The following STK11IP variants were observed in gnomAD, a reference collection of about 807,000 sequenced individuals.
STK11IP encodes the protein serine/threonine kinase 11 interacting protein, also known as serine/threonine-protein kinase 11-interacting protein.
In STK11IP, 103 loss-of-function variants were observed where a neutral mutation model predicts 131.7. The ratio of observed to expected loss-of-function variants is 0.78; its 90% confidence interval spans 0.67 to 0.92. STK11IP has a LOEUF of 0.92. Ranked by LOEUF, STK11IP falls within the 40% of genes least tolerant of loss-of-function variation. The probability of loss-of-function intolerance (pLI) is 0.00; values close to 1 mark genes in which losing one functional copy is unlikely to be tolerated. For missense variants in STK11IP, 1,315 were observed against 1,385.7 expected (o/e 0.95, Z 0.81); for synonymous variants, 557 against 575.6 (o/e 0.97, Z 0.46).
chr2:219,614,553 C>A lies in STK11IP; in HGVS notation c.2869+7C>A. ...CGGGCGTTCCTGGTTGAAGGTGAAGCCTCTGTGCAGCTGATGCTTCCCTGG... is the reference window on the plus strand; with the variant it reads ...CGGGCGTTCCTGGTTGAAGGTGAAGACTCTGTGCAGCTGATGCTTCCCTGG... On this transcript the variant is annotated splice_region_variant and intron_variant, in intron 23 of 24. Transcript: ENST00000456909. 2 of 1,613,716 alleles carry A rather than the reference C, an allele frequency of 1.2e-6. No individual in the cohort carries two copies. The highest frequency in any genetic ancestry group is 1.7e-6 in the Non-Finnish European group (2 of 1,179,806).
Position 219,611,690 on chromosome 2 carries a change from CAG to C in STK11IP, c.2192_2193del (p.Gln731ArgfsTer22), listed in dbSNP as rs758825073. The C allele has an allele frequency of 7.4e-6, 12 of 1,613,092 alleles. No homozygotes were observed. In the East Asian group the frequency reaches 2.5e-4, roughly 33 times the overall value. Reference protein sequence around the residue: ...SRGTPNRERKQGEQSLAPSPS... With the variant: ...SRGTPNRERKXGEQSLAPSPS... ...GGGAACCCCCAACAGGGAGCGGAAA[CAG>C]GGAGAGCAGTCTCTGGCTCCTTCTC... On this transcript the variant is annotated frameshift_variant, in exon 18 of 25. Coordinates refer to ENST00000456909, the MANE Select transcript of STK11IP (RefSeq NM_052902.4). LOFTEE classifies it high-confidence loss of function.
In STK11IP at chr2:219,608,326, A is replaced by AGAAGGAGGG. The variant is rs772569417; in HGVS notation, c.1508_1516dup (p.Gly503_Glu505dup). Reference sequence around the variant, plus strand: ...GCGGAGCCACAGGAGGAGGAAGAGGAGAAGGAGGGGAAGGAGGAGAAGGAG... The same window carrying AGAAGGAGGG: ...GCGGAGCCACAGGAGGAGGAAGAGGAGAAGGAGGGGAAGGAGGGGAAGGAGGAGAAGGAG... On this transcript the variant is annotated inframe_insertion, in exon 14 of 25. Coordinates refer to ENST00000456909, the MANE Select transcript of STK11IP (RefSeq NM_052902.4). The AGAAGGAGGG allele has an allele frequency of 7.5e-6, 12 of 1,601,674 alleles. No individual in the cohort carries two copies. The highest frequency in any genetic ancestry group is 1.7e-5 in the Admixed American group (1 of 57,454).
At chr2:219,614,354 TGCCCCTTATGG>T (rs1698504743) in intron 22 of STK11IP, 111 bp from the exon 23 acceptor site, 1 of 1,512,598 alleles carries the variant, frequency 6.6e-7, no homozygotes, top group Admixed American at 1.7e-5. Context: ...CCTCATGCCA[TGCCCCTTATGG>T]GCCCCTAGTG....
intron 19 of STK11IP, 31 bp downstream of exon 19, chr2:219,612,089 C>T: frequency 1.3e-6 from 2 of 1,563,604 alleles, no homozygotes; most frequent in Non-Finnish European, 8.7e-7. Flanking sequence ...CCCATGCCCC[C>T]AGCTGTCCAG....
At position 219,606,303 on chromosome 2, in the gene STK11IP, C is replaced by T; in HGVS notation, c.945+13C>T. 6.4e-7 allele frequency: 1 copy of T among 1,558,098 alleles called. No individual in the cohort carries two copies. Among genetic ancestry groups the T allele is most frequent in the East Asian group, 2.4e-5 (1 of 41,400 alleles). ...TGCTGCTACTGGCGTGAGTGATCGT[C>T]CTGTGTCCACTCTTCTTCCCCTTTC... is the stretch of plus-strand genomic sequence containing the variant. On this transcript the variant is annotated intron_variant, in intron 10 of 24. Coordinates refer to ENST00000456909, the MANE Select transcript of STK11IP (RefSeq NM_052902.4).
At chr2:219,614,383 C>T (rs1698505666) in intron 22 of STK11IP, 93 bp from the exon 23 acceptor site, 9 of 1,532,826 alleles carry the variant, frequency 5.9e-6, no homozygotes, top group Non-Finnish European at 8.1e-6. Flanking sequence ...GTGTCTCCTC[C>T]CAACCCCCTG....
chr2:219,607,659 TA>T (rs975388662), intron 13 of STK11IP, among the ~76,000 whole-genome samples: 19 of 146,780 alleles, frequency 1.3e-4, no homozygotes, highest in Middle Eastern at 3.4e-3. Context: ...CCTTATCTCT[TA>T]AAAAAAAAAG....
rs759730728 is a variant in STK11IP at position 219,615,322 on chromosome 2, G to A, written c.3098G>A (p.Arg1033Gln). The change falls in exon 24 of 25, where the codon CGG (arginine) becomes CAG (glutamine). Residue 1033 changes from arginine (R) to glutamine (Q), a missense_variant. By Grantham distance (43) the Arg-to-Gln change is conservative. Coordinates refer to ENST00000456909, the MANE Select transcript of STK11IP (RefSeq NM_052902.4). ...TACCGCTCAGCCCCTGAGGACTTGC[G>A]GCTGCTCTTCTACGATGAGGTGTGT... ...LLYRSAPEDL[R>Q]LLFYDEVSRL... The A allele has an allele frequency of 1.1e-5, 17 of 1,601,670 alleles. No homozygotes were observed. The highest frequency in any genetic ancestry group is 4.5e-5 in the East Asian group (2 of 44,856).
At chr2:219,598,299 G>C (rs1288582203) in intron 2 of STK11IP, 119 bp downstream of exon 2, 1 of 714,012 alleles carries the variant, frequency 1.4e-6, no homozygotes, top group Non-Finnish European at 2.2e-6. Context: ...AGGTGTCAGA[G>C]TTCAATTTCT....
In STK11IP at chr2:219,598,613, T is replaced by C. The variant is rs79864373; in HGVS notation, c.61+433T>C. Reference sequence around the variant, plus strand: ...TGCCATACTGTTTCCTGAGGCTCAGTTTTCCTCACAGATTGGCATAGTGAT... The same window carrying C: ...TGCCATACTGTTTCCTGAGGCTCAGCTTTCCTCACAGATTGGCATAGTGAT... On this transcript the variant is annotated intron_variant, in intron 2 of 24. Transcript: ENST00000456909. 2.6e-3 allele frequency: 416 copies of C among 159,824 alleles called. 9 individuals carry two copies. The East Asian group carries it at 0.065, about 25-fold the overall frequency. 9.9% of individuals were successfully genotyped at this position (159,824 alleles called of 1,614,324 possible). A position where few individuals can be genotyped will look rare whatever the true frequency, so the allele number is the denominator to read the frequency against.
intron 2 of STK11IP, among the ~76,000 whole-genome samples, chr2:219,600,944 G>A (rs1697964461): frequency 6.6e-6 from 1 of 152,210 alleles, no homozygotes; most frequent in African/African-American, 2.4e-5. Flanking sequence ...TTCCAGCACT[G>A]TCAGTAGATG....
intron 17 of STK11IP, 200 bp downstream of exon 17, chr2:219,609,740 T>C: frequency 2.1e-6 from 1 of 475,506 alleles, no homozygotes; most frequent in Non-Finnish European, 3.5e-6. Context: ...AGAAACTATA[T>C]CCTGTTTTTT....
intron 2 of STK11IP, among the ~76,000 whole-genome samples, chr2:219,598,908 C>A (rs1187306764): frequency 2.6e-5 from 4 of 152,044 alleles, no homozygotes; most frequent in Non-Finnish European, 4.4e-5. Flanking sequence ...CTTTTTTGAA[C>A]CTCAATTTTC....
intron 17 of STK11IP, among the ~76,000 whole-genome samples, chr2:219,610,800 G>A (rs780780632): frequency 2.0e-5 from 3 of 152,160 alleles, no homozygotes; most frequent in African/African-American, 7.2e-5. Context: ...TGACAGTAAG[G>A]CACCAAGCAG....
At position 219,608,122 on chromosome 2, in the gene STK11IP, A is replaced by G; in HGVS notation, c.1295A>G (p.Gln432Arg). 3 of 1,613,416 alleles carry G rather than the reference A, an allele frequency of 1.9e-6. No individual in the cohort carries two copies. The highest frequency in any genetic ancestry group is 1.7e-4 in the Middle Eastern group (1 of 5,872). Residue 432 changes from glutamine (Q) to arginine (R), a missense_variant, in exon 14 of 25, where the codon CAG becomes CGG. By Grantham distance (43) the Gln-to-Arg change is conservative. Transcript: ENST00000456909. ...GAACGGTTCGGCCGCAACTGGCTGC[A>G]GTACAGGAGTCACCTGGAGCCCTCC... ...FRERFGRNWL[Q>R]YRSHLEPSGN...
chr2:219,598,305 T>C, intron 2 of STK11IP, 125 bp downstream of exon 2: 1 of 670,036 alleles, frequency 1.5e-6, no homozygotes, highest in Non-Finnish European at 2.4e-6. Context: ...CAGAGTTCAA[T>C]TTCTTTACTT....
chr2:219,613,254 AGGGGGGAGATGGGGTGAGTT>A (rs774171629), intron 20 of STK11IP, 29 bp downstream of exon 20: 1 of 764,248 alleles, frequency 1.3e-6, no homozygotes, highest in Non-Finnish European at 2.0e-6. Flanking sequence ...GCAGTGAGTA[AGGGGGGAGATGGGGTGAGTT>A]GGGGGGAGAT....
intron 10 of STK11IP, 48 bp downstream of exon 10, chr2:219,606,338 C>T: frequency 6.5e-7 from 1 of 1,546,082 alleles, no homozygotes; most frequent in African/African-American, 1.4e-5. Context: ...CCTGCCCAGT[C>T]CTCCCCCACC....
chr2:219,602,755 G>A lies in STK11IP; in HGVS notation c.597G>A (p.Gln199=), dbSNP rs1175451658. 6.2e-7 allele frequency: 1 copy of A among 1,612,130 alleles called. No individual in the cohort carries two copies. Among genetic ancestry groups the A allele is most frequent in the Non-Finnish European group, 8.5e-7 (1 of 1,179,180 alleles). The change falls in exon 7 of 25, where the codon CAG becomes CAA. Residue 199 remains glutamine (Q), a synonymous_variant. Coordinates refer to ENST00000456909, the MANE Select transcript of STK11IP (RefSeq NM_052902.4). ...TGAACCTAAGCCACAATCAAGTCCA[G>A]GACTGTCAGGGATTCCTGATGGTGA... ...RFLNLSHNQV[Q]DCQGFLMDLC...
Sources: allele counts gnomAD v4.1 joint callset (sites outside exome capture counted in the v4.1 genomes callset), GRCh38; gene constraint gnomAD v4.1.1; transcripts MANE v1.5; gene names NCBI Gene and HGNC (gene_info 2026-07-23, HGNC 2026-07-21).